MKLN1: variants seen among roughly 807,000 people sequenced by gnomAD.
MKLN1 encodes the protein muskelin.
MKLN1 carries 18 observed loss-of-function variants against 99.0 expected under a neutral mutation model. The ratio of observed to expected loss-of-function variants is 0.18; its 90% CI spans 0.13 to 0.27. The LOEUF (loss-of-function observed/expected upper bound fraction) is 0.27, where lower values mean the gene tolerates loss of function less well. MKLN1 is among the 10% of genes least tolerant of loss of function. The probability of loss-of-function intolerance (pLI) is 1.00; values close to 1 mark genes in which losing one functional copy is unlikely to be tolerated. For synonymous variants in MKLN1, 288 were observed against 293.2 expected, an observed-to-expected ratio of 0.98 and a Z score of 0.18; for missense variants, 621 against 875.9, an observed-to-expected ratio of 0.71 and a Z score of 3.67.
chr7:131,363,949 A>G (rs543344095), intron 1 of MKLN1, among the ~76,000 whole-genome samples: 1 of 152,208 alleles, frequency 6.6e-6, no homozygotes, highest in South Asian at 2.1e-4. Context: ...CACATTGTCT[A>G]GCACAAGACT....
chr7:131,453,270 T>C (rs2116560672), intron 12 of MKLN1, among the ~76,000 whole-genome samples: 1 of 152,336 alleles, frequency 6.6e-6, no homozygotes, highest in Admixed American at 6.5e-5. Flanking sequence ...AATGAAGTAG[T>C]ACTGGCACTA....
intron 3 of MKLN1, among the ~76,000 whole-genome samples, chr7:131,236,382 C>T (rs1485528078): frequency 1.3e-5 from 2 of 152,114 alleles, no homozygotes; most frequent in Admixed American, 1.3e-4. Context: ...TGATGGAGGC[C>T]AGGCACGGTG....
intron 2 of MKLN1, among the ~76,000 whole-genome samples, chr7:131,187,087 A>G (rs1013822881): frequency 2.6e-5 from 4 of 152,246 alleles, no homozygotes; most frequent in African/African-American, 9.6e-5. Flanking sequence ...GACATCCAGC[A>G]TGCATTTGTT....
chr7:131,188,214 G>T (rs1796481289), intron 2 of MKLN1, among the ~76,000 whole-genome samples: 1 of 152,132 alleles, frequency 6.6e-6, no homozygotes, highest in Non-Finnish European at 1.5e-5. Flanking sequence ...TTTGAATTTG[G>T]CTCTGAGCTT....
intron 3 of MKLN1, among the ~76,000 whole-genome samples, chr7:131,309,257 A>G (rs1262743144): frequency 2.0e-5 from 3 of 152,226 alleles, no homozygotes; most frequent in Admixed American, 1.3e-4. Flanking sequence ...CTTCTATTTT[A>G]TCTTACCATT....
chr7:131,253,237 C>T (rs2116519888), intron 3 of MKLN1, among the ~76,000 whole-genome samples: 1 of 152,266 alleles, frequency 6.6e-6, no homozygotes, highest in East Asian at 1.9e-4. Flanking sequence ...CCTGCCCAAC[C>T]CCAACTAGGT....
At chr7:131,136,048 C>G in intron 1 of MKLN1, among the ~76,000 whole-genome samples, 1 of 152,166 alleles carries the variant, frequency 6.6e-6, no homozygotes, top group Non-Finnish European at 1.5e-5. Flanking sequence ...TTTATGAGTT[C>G]TGTTGTGCTT....
chr7:131,353,183 A>T (rs894525808), intron 1 of MKLN1, among the ~76,000 whole-genome samples: 3 of 152,144 alleles, frequency 2.0e-5, no homozygotes, highest in African/African-American at 7.2e-5. Flanking sequence ...AGAAACCTTC[A>T]TACCCTTTTC....
chr7:131,308,917 C>T (rs1021074974), intron 3 of MKLN1, among the ~76,000 whole-genome samples: 22 of 152,128 alleles, frequency 1.4e-4, no homozygotes, highest in Admixed American at 9.2e-4. Flanking sequence ...TGAGAATGGA[C>T]GAATACAGAT....
chr7:131,142,151 T>C (rs1157533418), intron 1 of MKLN1, among the ~76,000 whole-genome samples: 2 of 151,842 alleles, frequency 1.3e-5, no homozygotes, highest in Admixed American at 1.3e-4. Context: ...CTCACGCCTG[T>C]AATCCCAACA....
At chr7:131,354,262 ATATGTCTTCC>A (rs763423797) in intron 1 of MKLN1, among the ~76,000 whole-genome samples, 102 of 152,194 alleles carry the variant, frequency 6.7e-4, no homozygotes, top group Non-Finnish European at 1.4e-3. Flanking sequence ...CACGAGCACA[ATATGTCTTCC>A]ATTTATTTAG....
chr7:131,370,021 A>G (rs1038056091), intron 1 of MKLN1, among the ~76,000 whole-genome samples: 19 of 152,142 alleles, frequency 1.2e-4, no homozygotes, highest in African/African-American at 4.3e-4. Flanking sequence ...TATTTTTAGT[A>G]TTAACGGGGT....
rs375189506 is a variant in MKLN1 at position 131,276,762 on chromosome 7, A to G, written c.-179+73788A>G. ...GGTCATTTGTTCTCGTAGCATAATCATAACTTTCCTGATGGATATGCCACT... is the reference window on the plus strand; with the variant it reads ...GGTCATTTGTTCTCGTAGCATAATCGTAACTTTCCTGATGGATATGCCACT... On this transcript the variant is annotated intron_variant, in intron 3 of 7. Coordinates refer to the MKLN1 transcript ENST00000416992. 2.0e-5 allele frequency among the ~76,000 whole-genome samples: 3 copies of G among 152,188 alleles called. No homozygotes were observed. The East Asian group carries it at 5.8e-4, about 29-fold the overall frequency.
chr7:131,272,964 GA>G (rs1212042105), intron 3 of MKLN1, among the ~76,000 whole-genome samples: 2 of 152,164 alleles, frequency 1.3e-5, no homozygotes, highest in Non-Finnish European at 2.9e-5. Flanking sequence ...TAGCAGCCAA[GA>G]ATTTCCCTTA....
At chr7:131,473,521 T>C (rs1011606065) in intron 16 of MKLN1, among the ~76,000 whole-genome samples, 4 of 152,194 alleles carry the variant, frequency 2.6e-5, no homozygotes, top group African/African-American at 7.2e-5. Context: ...ATAAATCTTA[T>C]AAAAAATGAT....
At chr7:131,155,465 T>G (rs1795949361) in intron 2 of MKLN1, among the ~76,000 whole-genome samples, 1 of 152,214 alleles carries the variant, frequency 6.6e-6, no homozygotes, top group African/African-American at 2.4e-5. Context: ...TTTATATCTT[T>G]TTGGTAATTT....
chr7:131,324,766 G>A (rs1798850769), upstream of MKLN1, among the ~76,000 whole-genome samples: 1 of 152,220 alleles, frequency 6.6e-6, no homozygotes, highest in Non-Finnish European at 1.5e-5. Flanking sequence ...AAAAGTGGGG[G>A]AGAAGGACAG....
chr7:131,208,466 G>A (rs77449117), intron 3 of MKLN1, among the ~76,000 whole-genome samples: 26,344 of 152,024 alleles, frequency 0.17, 2,632 homozygotes, highest in South Asian at 0.31. Flanking sequence ...GTGGTGGTGC[G>A]TGCCTGTGGT....
At chr7:131,424,852 T>TA (rs1373683528) in intron 8 of MKLN1, among the ~76,000 whole-genome samples, 2 of 152,206 alleles carry the variant, frequency 1.3e-5, no homozygotes, top group Non-Finnish European at 2.9e-5. Flanking sequence ...GTTCAGATGT[T>TA]ACCTTGCTAC....
Sources: allele counts gnomAD v4.1 joint callset (sites outside exome capture counted in the v4.1 genomes callset), GRCh38; gene constraint gnomAD v4.1.1; transcripts MANE v1.5; gene names NCBI Gene and HGNC (gene_info 2026-07-23, HGNC 2026-07-21).